The following PTPRA variants were observed in gnomAD, a reference collection of about 807,000 sequenced individuals.
The protein encoded by PTPRA is protein tyrosine phosphatase receptor type A, also known as receptor-type tyrosine-protein phosphatase alpha.
PTPRA carries 25 observed loss-of-function variants against 104.8 expected under a neutral mutation model. The observed-to-expected ratio is 0.24, with a 90% CI of 0.17 to 0.33. The LOEUF (loss-of-function observed/expected upper bound fraction) is 0.33. Among genes scored for constraint, PTPRA ranks in the 10% least tolerant of loss-of-function variants. PTPRA has a pLI of 1.00. For synonymous variants in PTPRA, 323 were observed against 368.9 expected, an observed-to-expected ratio of 0.88 and a Z score of 1.43; for missense variants, 765 against 1,015.3, an observed-to-expected ratio of 0.75 and a Z score of 3.35.
At chr20:3,012,625 G>A (rs1471367940) in intron 11 of PTPRA, among the ~76,000 whole-genome samples, 1 of 152,256 alleles carries the variant, frequency 6.6e-6, no homozygotes, top group Non-Finnish European at 1.5e-5. Flanking sequence ...GGCTCAGGAA[G>A]TGTTTGGCAG....
chr20:3,035,286 T>C lies in PTPRA; in HGVS notation c.1921-299T>C, dbSNP rs2058650545. On this transcript the variant is annotated intron_variant, in intron 20 of 23. Coordinates refer to ENST00000399903, the MANE Select transcript of PTPRA (RefSeq NM_001385305.1). The surrounding 1 kb of genome is among the most constrained non-coding windows in gnomAD (Gnocchi z 5.8). Reference sequence around the variant, plus strand: ...CCCCATGGGAGAAAAAGAAAGGAATTGGAACAAAGATTTTCACTCGTCCTC... The same window carrying C: ...CCCCATGGGAGAAAAAGAAAGGAATCGGAACAAAGATTTTCACTCGTCCTC... Among the ~76,000 whole-genome samples the C allele has an allele frequency of 1.3e-5, 2 of 151,944 alleles. No individual in the cohort carries two copies. Among genetic ancestry groups the C allele is most frequent in the Admixed American group, 1.3e-4 (2 of 15,246 alleles).
At chr20:2,951,857 A>G (rs2061364428) in intron 3 of PTPRA, among the ~76,000 whole-genome samples, 1 of 152,160 alleles carries the variant, frequency 6.6e-6, no homozygotes, top group Non-Finnish European at 1.5e-5. Flanking sequence ...AATCTGTTTT[A>G]AGGCTGGGCG....
At position 2,910,427 on chromosome 20, in the gene PTPRA, AAATG is replaced by A. The variant is rs1414230820; in HGVS notation, c.-128-12779_-128-12776del. 3.1e-3 allele frequency among the ~76,000 whole-genome samples: 155 copies of A among 49,596 alleles called. 2 individuals carry two copies. The highest frequency in any genetic ancestry group is 9.9e-3 in the South Asian group (9 of 908). The allele number at this position is 49,596 out of a possible 152,430, so 32.5% of individuals were successfully genotyped here. On this transcript the variant is annotated intron_variant, in intron 1 of 23. Transcript: ENST00000399903. ...TATTTTGTATATTATATAATATATA[AAATG>A]TATATTATATATAAGTAAAGTATAT...
intron 2 of PTPRA, among the ~76,000 whole-genome samples, chr20:2,946,271 T>G (rs977296077): frequency 6.6e-6 from 1 of 152,096 alleles, no homozygotes; most frequent in Admixed American, 6.5e-5. Context: ...ATTAATGAGC[T>G]TTCCCCCCAA....
At chr20:2,892,092 C>A (rs2058819147) in intron 1 of PTPRA, among the ~76,000 whole-genome samples, 2 of 151,910 alleles carry the variant, frequency 1.3e-5, no homozygotes, top group South Asian at 4.2e-4. Context: ...GAGCTCGAGA[C>A]CAGCCTGGCC....
At chr20:2,883,098 C>G (rs2090156070) in intron 1 of PTPRA, among the ~76,000 whole-genome samples, 1 of 151,586 alleles carries the variant, frequency 6.6e-6, no homozygotes, top group African/African-American at 2.4e-5. Context: ...GATCCTCCCA[C>G]CTCAGCCTCC....
At chr20:2,989,536 TAGC>T (rs1188245667) in intron 9 of PTPRA, among the ~76,000 whole-genome samples, 2 of 152,086 alleles carry the variant, frequency 1.3e-5, no homozygotes, top group Non-Finnish European at 1.5e-5. Flanking sequence ...CCACTGGAAA[TAGC>T]AGGAGAATTG....
chr20:3,019,359 G>C (rs569373053), intron 13 of PTPRA, among the ~76,000 whole-genome samples: 5,250 of 150,648 alleles, frequency 0.035, 117 homozygotes, highest in Non-Finnish European at 0.055. Context: ...TTCTCAGACC[G>C]GGCGGCTGCT....
intron 13 of PTPRA, among the ~76,000 whole-genome samples, chr20:3,019,409 C>T (rs1353610700): frequency 6.7e-6 from 1 of 149,614 alleles, no homozygotes; most frequent in African/African-American, 2.5e-5. Context: ...GGGCGGTTGC[C>T]AGGCAGAGGG....
chr20:3,034,635 A>G (rs1368099210), intron 20 of PTPRA, among the ~76,000 whole-genome samples: 1 of 151,956 alleles, frequency 6.6e-6, no homozygotes, highest in Non-Finnish European at 1.5e-5. Context: ...TCTAGAGAAC[A>G]TGGGTGGAAA....
intron 20 of PTPRA, among the ~76,000 whole-genome samples, chr20:3,032,506 G>GCCTGTAATC (rs1555814405): frequency 6.6e-6 from 1 of 152,140 alleles, no homozygotes; most frequent in Non-Finnish European, 1.5e-5. Context: ...GGTGGCTCAC[G>GCCTGTAATC]CCTGTAATCC....
At chr20:2,909,649 A>G (rs901240315) in intron 1 of PTPRA, among the ~76,000 whole-genome samples, 2 of 150,622 alleles carry the variant, frequency 1.3e-5, no homozygotes, top group African/African-American at 4.9e-5. Flanking sequence ...GACAATAGTA[A>G]ATGAATGAGT....
intron 20 of PTPRA, among the ~76,000 whole-genome samples, chr20:3,033,856 C>G (rs142846631): frequency 6.8e-6 from 1 of 147,232 alleles, no homozygotes; most frequent in Non-Finnish European, 1.5e-5. Context: ...GCCAAGATCG[C>G]GCCATTGCAC....
At chr20:3,008,127 C>T (rs2063962852) in intron 11 of PTPRA, among the ~76,000 whole-genome samples, 1 of 152,162 alleles carries the variant, frequency 6.6e-6, no homozygotes, top group Non-Finnish European at 1.5e-5. Flanking sequence ...AAGTCTGACT[C>T]CTGATGCAAA....
intron 9 of PTPRA, among the ~76,000 whole-genome samples, chr20:3,000,766 C>T (rs1568689003): frequency 6.6e-6 from 1 of 152,126 alleles, no homozygotes; most frequent in Non-Finnish European, 1.5e-5. Context: ...AGCAACTCAC[C>T]ACTTAATCAT....
chr20:2,908,215 C>A (rs558138092), intron 1 of PTPRA, among the ~76,000 whole-genome samples: 1 of 152,212 alleles, frequency 6.6e-6, no homozygotes, highest in East Asian at 1.9e-4. Context: ...ATCGGAAATA[C>A]TGTGATCGGT....
Position 3,022,230 on chromosome 20 carries a change from G to T in PTPRA, c.1328+10G>T, listed in dbSNP as rs540084542. ...TCGTGGTCCACTGCAGGTCAGTGTG[G>T]CCTGACCCTTGTACCCCCACCCCCA... On this transcript the variant is annotated intron_variant, in intron 15 of 23. Coordinates refer to ENST00000399903, the MANE Select transcript of PTPRA (RefSeq NM_001385305.1). This position sits in a 1 kb window ranked among gnomAD's most constrained non-coding sequence, Gnocchi z 4.6. 1.1e-5 allele frequency: 18 copies of T among 1,613,552 alleles called. No homozygotes were observed. The highest frequency in any genetic ancestry group is 1.5e-5 in the Non-Finnish European group (18 of 1,179,680).
intron 1 of PTPRA, among the ~76,000 whole-genome samples, chr20:2,877,857 C>A (rs1478720764): frequency 6.6e-6 from 1 of 152,114 alleles, no homozygotes; most frequent in Non-Finnish European, 1.5e-5. Flanking sequence ...AGTATTTGTT[C>A]ATTTAAAATC....
intron 1 of PTPRA, among the ~76,000 whole-genome samples, chr20:2,906,732 C>T (rs572370679): frequency 3.4e-4 from 51 of 152,122 alleles, no homozygotes; most frequent in Non-Finnish European, 6.6e-4. Context: ...TTATATATTT[C>T]ATCTTTGACA....
Sources: allele counts gnomAD v4.1 joint callset (sites outside exome capture counted in the v4.1 genomes callset), GRCh38; gene constraint gnomAD v4.1.1; non-coding constraint Gnocchi (gnomAD v3.1); transcripts MANE v1.5; gene names NCBI Gene and HGNC (gene_info 2026-07-23, HGNC 2026-07-21).